DNM3: variants seen among roughly 807,000 people sequenced by gnomAD.
The protein encoded by DNM3 is dynamin-3.
Under a neutral mutation model 101.6 loss-of-function variants are expected in DNM3, and 47 were observed. That is an observed-to-expected ratio of 0.46 (90% CI 0.37 to 0.59). DNM3 has a LOEUF of 0.59. Ranked by LOEUF, DNM3 falls within the 20% of genes least tolerant of loss-of-function variation. The pLI is 0.00. For missense variants in DNM3, 849 were observed against 1,085.7 expected (o/e 0.78, Z 3.06); for synonymous variants, 385 against 387.9 (o/e 0.99, Z 0.09).
chr1:171,966,923 T>C (rs1431133468), intron 2 of DNM3, among the ~76,000 whole-genome samples: 1 of 152,186 alleles, frequency 6.6e-6, no homozygotes, highest in Admixed American at 6.5e-5. Context: ...GTTCAGTCAT[T>C]GAGTCGTAGT....
chr1:172,304,222 A>AAAAAAAAAAAAAAAAAAC lies in DNM3; in HGVS notation c.1770-4506_1770-4505insAAAAAAAAAAAAAAAAAC, dbSNP rs745651671. Among the ~76,000 whole-genome samples, 663 of 128,648 alleles carry AAAAAAAAAAAAAAAAAAC rather than the reference A, an allele frequency of 5.2e-3. 21 individuals are homozygous for AAAAAAAAAAAAAAAAAAC. Among genetic ancestry groups the AAAAAAAAAAAAAAAAAAC allele is most frequent in the Non-Finnish European group, 6.2e-3 (392 of 62,864 alleles). 84.4% of individuals were successfully genotyped at this position (128,648 alleles called of 152,430 possible). A position where few individuals can be genotyped will look rare whatever the true frequency, so the allele number is the denominator to read the frequency against. On this transcript the variant is annotated intron_variant, in intron 15 of 20. Transcript: ENST00000627582. ...AAAGGAAAGCAAAAAAAAAAAAAAA[A>AAAAAAAAAAAAAAAAAAC]CAGGAGTTGCAATCCTAGTCTCTGA...
intron 20 of DNM3, among the ~76,000 whole-genome samples, chr1:172,407,261 A>T (rs887858960): frequency 6.6e-6 from 1 of 152,042 alleles, no homozygotes; most frequent in African/African-American, 2.4e-5. Context: ...AACTCTAAAG[A>T]CTTGCTTTTC....
At chr1:172,236,161 C>G (rs979957369) in intron 14 of DNM3, among the ~76,000 whole-genome samples, 5 of 152,150 alleles carry the variant, frequency 3.3e-5, no homozygotes, top group African/African-American at 9.7e-5. Context: ...AGAAGGATCT[C>G]TGTCTCCTTC....
chr1:171,892,458 G>A (rs559538207), intron 1 of DNM3, among the ~76,000 whole-genome samples: 1 of 152,210 alleles, frequency 6.6e-6, no homozygotes, highest in East Asian at 1.9e-4. Context: ...AAATATTTCT[G>A]TATGTAATCA....
At chr1:172,321,878 AGT>A (rs1430588447) in intron 16 of DNM3, among the ~76,000 whole-genome samples, 1 of 152,108 alleles carries the variant, frequency 6.6e-6, no homozygotes, top group Non-Finnish European at 1.5e-5. Flanking sequence ...TAAAATTCCC[AGT>A]GGGGATCTTT....
intron 8 of DNM3, among the ~76,000 whole-genome samples, chr1:172,043,424 T>A (rs2049537462): frequency 6.6e-6 from 1 of 152,146 alleles, no homozygotes; most frequent in African/African-American, 2.4e-5. Context: ...AGGTGAGTGC[T>A]TATGTCTTCG....
chr1:172,150,732 T>C lies in DNM3; in HGVS notation c.1659+19444T>C, dbSNP rs1187589681. On this transcript the variant is annotated intron_variant, in intron 14 of 20. Coordinates refer to ENST00000627582, the MANE Select transcript of DNM3 (RefSeq NM_015569.5). ...TTGTTATGATGCTTCCTTGGCAAATTATTTAACTTTTCTGACCTCTGGTTT... is the reference window on the plus strand; with the variant it reads ...TTGTTATGATGCTTCCTTGGCAAATCATTTAACTTTTCTGACCTCTGGTTT... Among the ~76,000 whole-genome samples, 3 of 152,300 alleles carry C rather than the reference T, an allele frequency of 2.0e-5. No individual in the cohort carries two copies. In the East Asian group the frequency reaches 5.8e-4, roughly 29 times the overall value.
chr1:172,198,155 T>C (rs2060022618), intron 14 of DNM3, among the ~76,000 whole-genome samples: 8 of 152,156 alleles, frequency 5.3e-5, no homozygotes. Flanking sequence ...TCTTCATCTG[T>C]TGAGGTAATC....
chr1:172,135,181 A>T (rs940572396), intron 14 of DNM3, among the ~76,000 whole-genome samples: 2 of 152,172 alleles, frequency 1.3e-5, no homozygotes, highest in South Asian at 4.1e-4. Flanking sequence ...GAAAATTGAC[A>T]TGAACAACTC....
intron 14 of DNM3, among the ~76,000 whole-genome samples, chr1:172,170,230 A>G (rs1020150827): frequency 1.3e-5 from 2 of 151,936 alleles, no homozygotes; most frequent in Admixed American, 6.6e-5. Flanking sequence ...AGTCCTCTCA[A>G]TATCAAGTGG....
Position 172,247,198 on chromosome 1 carries a change from G to A in DNM3, c.1660-6375G>A, listed in dbSNP as rs147306722. 2.1e-3 allele frequency among the ~76,000 whole-genome samples: 325 copies of A among 152,128 alleles called. 3 individuals carry two copies. The highest frequency in any genetic ancestry group is 6.8e-3 in the Middle Eastern group (2 of 294). On this transcript the variant is annotated intron_variant, in intron 14 of 20. Transcript: ENST00000627582. ...TGTGGTCTACGCACGTTTTTGGTGC[G>A]GATGTGTCAGAGAAATGTTCCATTC... is the stretch of plus-strand genomic sequence containing the variant.
At chr1:172,388,848 T>C (rs1393985002) in intron 20 of DNM3, 39 bp downstream of exon 20, 1 of 1,467,834 alleles carries the variant, frequency 6.8e-7, no homozygotes, top group Non-Finnish European at 9.3e-7. Flanking sequence ...TAGTGCGCCT[T>C]GGTTCTCTTC....
intron 12 of DNM3, among the ~76,000 whole-genome samples, chr1:172,092,613 T>G (rs2053986061): frequency 6.6e-6 from 1 of 152,212 alleles, no homozygotes; most frequent in South Asian, 2.1e-4. Context: ...TGTTATTATA[T>G]TTTTGGTTTA....
intron 17 of DNM3, among the ~76,000 whole-genome samples, chr1:172,368,880 A>G (rs2068171286): frequency 6.6e-6 from 1 of 151,936 alleles, no homozygotes; most frequent in South Asian, 2.1e-4. Flanking sequence ...TGGAAAACCT[A>G]GAAGAAATGG....
chr1:172,268,273 G>T (rs1391887655), intron 15 of DNM3, among the ~76,000 whole-genome samples: 3 of 120,432 alleles, frequency 2.5e-5, no homozygotes, highest in Non-Finnish European at 5.1e-5. Context: ...CAGCAAGTCA[G>T]TAAAAAAAAA....
Position 172,410,348 on chromosome 1 carries a change from T to C in DNM3, c.*2507T>C, listed in dbSNP as rs1161906410. ...TAATGATTTTCTGTTTCCCATACCA[T>C]TTCTAATCTTTTGTGTAATTTTCTC... On this transcript the variant is annotated 3_prime_UTR_variant, in exon 21 of 21. Transcript: ENST00000627582. 7 of 985,400 alleles carry C rather than the reference T, an allele frequency of 7.1e-6. No individual in the cohort carries two copies. Among genetic ancestry groups the C allele is most frequent in the South Asian group, 4.7e-5 (1 of 21,292 alleles). 61.0% of individuals were successfully genotyped at this position (985,400 alleles called of 1,614,324 possible). A position where few individuals can be genotyped will look rare whatever the true frequency, so the allele number is the denominator to read the frequency against.
At chr1:172,259,331 T>C (rs1026577784) in intron 15 of DNM3, among the ~76,000 whole-genome samples, 31 of 152,122 alleles carry the variant, frequency 2.0e-4, no homozygotes, top group African/African-American at 6.5e-4. Flanking sequence ...ATCTGTCTTA[T>C]GCTTAGAGTG....
chr1:172,308,757 AGC>A lies in DNM3; in HGVS notation c.1800_1801del (p.Glu600AspfsTer4), dbSNP rs764876795. 6.2e-7 allele frequency: 1 copy of A among 1,606,286 alleles called. No individual in the cohort carries two copies. Among genetic ancestry groups the A allele is most frequent in the South Asian group, 1.1e-5 (1 of 89,520 alleles). ...GTATACAAAGACTATCGCTTCCTTG[AGC>A]TGGCATGTGATTCCCAGGAGGATGT... On this transcript the variant is annotated frameshift_variant, in exon 16 of 21. Coordinates refer to ENST00000627582, the MANE Select transcript of DNM3 (RefSeq NM_015569.5). LOFTEE classifies it high-confidence loss of function.
chr1:172,407,799 TCCCACTATAATCCG>T lies in DNM3; in HGVS notation c.2558_2571del (p.Ile853ArgfsTer18). On this transcript the variant is annotated frameshift_variant, in exon 21 of 21. Coordinates refer to ENST00000627582, the MANE Select transcript of DNM3 (RefSeq NM_015569.5). LOFTEE classifies it high-confidence loss of function. ...GGAGACCACCCCCATCACCAACTCG[TCCCACTATAATCCG>T]CCCACTAGAATCCTCCCTGTTAGAC... is the stretch of plus-strand genomic sequence containing the variant. 1 of 1,613,302 alleles carries T rather than the reference TCCCACTATAATCCG, an allele frequency of 6.2e-7. No individual in the cohort carries two copies. The highest frequency in any genetic ancestry group is 8.5e-7 in the Non-Finnish European group (1 of 1,179,380).
Sources: allele counts gnomAD v4.1 joint callset (sites outside exome capture counted in the v4.1 genomes callset), GRCh38; gene constraint gnomAD v4.1.1; transcripts MANE v1.5; gene names NCBI Gene and HGNC (gene_info 2026-07-23, HGNC 2026-07-21).